Variants in RPGRIP1L observed in about 807,000 individuals in gnomAD.
The protein encoded by RPGRIP1L is protein fantom.
RPGRIP1L carries 131 observed loss-of-function variants against 160.4 expected under a neutral mutation model. The observed-to-expected ratio is 0.82, with a 90% confidence interval of 0.71 to 0.94. The LOEUF (loss-of-function observed/expected upper bound fraction) is 0.94. RPGRIP1L is among the 40% of genes least tolerant of loss of function. RPGRIP1L has a pLI of 0.00. For synonymous variants in RPGRIP1L, 510 were observed against 515.8 expected (o/e 0.99, Z 0.15); for missense variants, 1,522 against 1,535.8 (o/e 0.99, Z 0.15).
chr16:53,649,457 C>CT (rs540867556), intron 15 of RPGRIP1L, among the ~76,000 whole-genome samples: 1 of 152,068 alleles, frequency 6.6e-6, no homozygotes, highest in Non-Finnish European at 1.5e-5. Flanking sequence ...TAGTATAATA[C>CT]TTTTTTTAAA....
intron 17 of RPGRIP1L, among the ~76,000 whole-genome samples, chr16:53,643,547 T>C (rs1181980104): frequency 1.3e-5 from 2 of 152,058 alleles, no homozygotes; most frequent in African/African-American, 2.4e-5. Context: ...CACTGACCCA[T>C]AGGCAAAAGG....
chr16:53,625,390 G>T (rs1372212263), intron 22 of RPGRIP1L, among the ~76,000 whole-genome samples: 3 of 149,560 alleles, frequency 2.0e-5, no homozygotes, highest in Non-Finnish European at 4.5e-5. Context: ...CTGGGAACTG[G>T]GGGGGGCGCC....
intron 10 of RPGRIP1L, among the ~76,000 whole-genome samples, chr16:53,663,859 T>A (rs1968017331): frequency 6.6e-6 from 1 of 152,148 alleles, no homozygotes; most frequent in African/African-American, 2.4e-5. Flanking sequence ...AATTTAAAAA[T>A]GCCATCACTT....
intron 2 of RPGRIP1L, among the ~76,000 whole-genome samples, chr16:53,698,243 C>G (rs77200587): frequency 7.8e-6 from 1 of 127,510 alleles, no homozygotes; most frequent in Admixed American, 7.6e-5. Flanking sequence ...CCTCTCCGCC[C>G]GGCAGCCGAC....
chr16:53,670,603 T>C (rs1055637372), intron 9 of RPGRIP1L, among the ~76,000 whole-genome samples: 3 of 152,120 alleles, frequency 2.0e-5, no homozygotes, highest in Non-Finnish European at 2.9e-5. Flanking sequence ...ATGAAGTAGA[T>C]TAAGAAACAA....
At chr16:53,610,878 C>G in intron 25 of RPGRIP1L, 89 bp downstream of exon 25, 1 of 1,078,136 alleles carries the variant, frequency 9.3e-7, no homozygotes. Flanking sequence ...GTTCGGCTTC[C>G]TCATCTTGTG....
chr16:53,679,410 CT>C lies in RPGRIP1L; in HGVS notation c.777-4289del, dbSNP rs541122602. On this transcript the variant is annotated intron_variant, in intron 6 of 26. Coordinates refer to ENST00000647211, the MANE Select transcript of RPGRIP1L (RefSeq NM_015272.5). ...GAAATGGGAATCTGATTTTTTTTTC[CT>C]TTTTTTTTTAGATGGAGTCTCACTC... Among the ~76,000 whole-genome samples, 186 of 146,948 alleles carry C rather than the reference CT, an allele frequency of 1.3e-3. No individual in the cohort carries two copies. In the Middle Eastern group the frequency reaches 0.024, roughly 19 times the overall value.
At chr16:53,686,789 A>C (rs1970050041) in intron 5 of RPGRIP1L, among the ~76,000 whole-genome samples, 1 of 152,218 alleles carries the variant, frequency 6.6e-6, no homozygotes, top group Admixed American at 6.5e-5. Flanking sequence ...TTATAAGATA[A>C]TGTCCTAGGC....
chr16:53,681,439 T>C (rs199906581), intron 6 of RPGRIP1L, among the ~76,000 whole-genome samples: 1 of 151,072 alleles, frequency 6.6e-6, no homozygotes, highest in Admixed American at 6.6e-5. Context: ...TTGAATTTAA[T>C]TTAAGACGGC....
chr16:53,669,404 C>T (rs1019591909), intron 9 of RPGRIP1L, among the ~76,000 whole-genome samples: 7 of 150,980 alleles, frequency 4.6e-5, no homozygotes, highest in Admixed American at 1.3e-4. Flanking sequence ...AGCAGCATAA[C>T]GAAGTCTGCT....
intron 16 of RPGRIP1L, 112 bp downstream of exon 16, chr16:53,648,851 TA>T (rs923419693): frequency 3.0e-6 from 3 of 990,778 alleles, no homozygotes; most frequent in East Asian, 2.6e-5. Flanking sequence ...AAATAAAAGT[TA>T]AAAAAAGACA....
At position 53,601,409 on chromosome 16, in the gene RPGRIP1L, A is replaced by C. The variant is rs1166370716; in HGVS notation, c.*667T>G. The C allele has an allele frequency of 5.2e-5, 8 of 152,776 alleles. No individual in the cohort carries two copies. Among genetic ancestry groups the C allele is most frequent in the Admixed American group, 5.2e-4 (8 of 15,294 alleles). 9.5% of individuals were successfully genotyped at this position (152,776 alleles called of 1,614,324 possible). ...GTATGAAAATAATACAAATAGAATG[A>C]ACTTTTAAGAAAGAAAGACAAAAAA... On this transcript the variant is annotated 3_prime_UTR_variant, in exon 27 of 27. Coordinates refer to ENST00000647211, the MANE Select transcript of RPGRIP1L (RefSeq NM_015272.5).
chr16:53,690,051 T>C (rs879712614), intron 4 of RPGRIP1L, among the ~76,000 whole-genome samples: 1 of 152,238 alleles, frequency 6.6e-6, no homozygotes, highest in South Asian at 2.1e-4. Flanking sequence ...GACAATATTA[T>C]GATTTTATCA....
intron 24 of RPGRIP1L, among the ~76,000 whole-genome samples, chr16:53,615,497 G>A (rs1375849517): frequency 9.6e-5 from 10 of 103,780 alleles, no homozygotes; most frequent in Admixed American, 8.0e-4. Context: ...TTTTTGAGAT[G>A]GAGTCTCGCT....
intron 9 of RPGRIP1L, among the ~76,000 whole-genome samples, chr16:53,669,124 G>T (rs912588099): frequency 6.6e-6 from 1 of 152,118 alleles, no homozygotes; most frequent in Admixed American, 6.6e-5. Context: ...TTAGTTGTTG[G>T]CAATAACGAA....
chr16:53,619,293 T>A (rs1212734330), intron 23 of RPGRIP1L, 85 bp from the exon 24 acceptor site: 1 of 1,273,998 alleles, frequency 7.8e-7, no homozygotes, highest in African/African-American at 1.5e-5. Flanking sequence ...CTATCAATTT[T>A]AAATAAAACA....
At chr16:53,605,328 C>T (rs1963608166) in intron 26 of RPGRIP1L, 153 bp downstream of exon 26, 2 of 802,334 alleles carry the variant, frequency 2.5e-6, no homozygotes, top group Non-Finnish European at 4.3e-6. Flanking sequence ...TAGGAAGACG[C>T]TTCAGCTTCA....
Position 53,656,520 on chromosome 16 carries a change from A to C in RPGRIP1L, c.1651T>G (p.Tyr551Asp). 6.2e-7 allele frequency: 1 copy of C among 1,614,040 alleles called. No individual in the cohort carries two copies. ...GCCCTGATATCAAGAAGATGAACATACTGTTCCACTTTGAGTTCATAATCT... is the reference window on the plus strand; with the variant it reads ...GCCCTGATATCAAGAAGATGAACATCCTGTTCCACTTTGAGTTCATAATCT... ...QQDYELKVEQ[Y>D]VHLLDIRAAR... Residue 551 changes from tyrosine (Y) to aspartate (D), a missense_variant, in exon 14 of 27, where the codon TAT (tyrosine) becomes GAT (aspartate). Transcript: ENST00000647211.
chr16:53,617,869 C>A (rs1286867648), intron 24 of RPGRIP1L, among the ~76,000 whole-genome samples: 1 of 152,060 alleles, frequency 6.6e-6, no homozygotes, highest in Non-Finnish European at 1.5e-5. Context: ...GATTAAAATG[C>A]AATTTCTAAG....
Sources: gnomAD v4.1 joint callset for allele counts (sites outside exome capture counted in the v4.1 genomes callset) on GRCh38, gnomAD v4.1.1 for gene constraint, MANE v1.5 for transcripts, NCBI Gene and HGNC (gene_info 2026-07-23, HGNC 2026-07-21) for gene names.